Variants in TERB2 observed in about 807,000 individuals in gnomAD.
The protein encoded by TERB2 is telomere repeat binding bouquet formation protein 2, also known as telomere repeats-binding bouquet formation protein 2.
TERB2 carries 26 observed loss-of-function variants against 29.8 expected under a neutral mutation model. That is an observed-to-expected ratio of 0.87 (90% confidence interval 0.64 to 1.21). The LOEUF (loss-of-function observed/expected upper bound fraction) is 1.21. Among genes scored for constraint, TERB2 ranks in the 50% most tolerant of loss-of-function variants. The probability of loss-of-function intolerance (pLI) is 0.00; values close to 1 mark genes in which losing one functional copy is unlikely to be tolerated. For missense variants in TERB2, 240 were observed against 268.6 expected, an observed-to-expected ratio of 0.89 and a Z score of 0.74; for synonymous variants, 80 against 90.8, an observed-to-expected ratio of 0.88 and a Z score of 0.68.
At chr15:44,963,238 G>C (rs1446925763) in intron 4 of TERB2, among the ~76,000 whole-genome samples, 1 of 152,146 alleles carries the variant, frequency 6.6e-6, no homozygotes, top group Non-Finnish European at 1.5e-5. Context: ...GATCTGGCAG[G>C]CACCATTTAA....
At chr15:44,959,470 C>T (rs11635331) in intron 3 of TERB2, among the ~76,000 whole-genome samples, 2,496 of 152,146 alleles carry the variant, frequency 0.016, 20 homozygotes, top group Middle Eastern at 0.031. Flanking sequence ...TGGGTTCAAG[C>T]GATTCTCCTG....
chr15:44,971,011 TTC>T (rs1313315775), intron 5 of TERB2: 1 of 172,832 alleles, frequency 5.8e-6, no homozygotes, highest in African/African-American at 2.4e-5. Flanking sequence ...AACATAAGAT[TTC>T]TCTTTCTCTG....
chr15:44,971,826 C>CA (rs1891975475), intron 5 of TERB2, among the ~76,000 whole-genome samples: 2 of 149,534 alleles, frequency 1.3e-5, no homozygotes, highest in Non-Finnish European at 3.0e-5. Context: ...CCTTTTCATC[C>CA]CCCCCCCTCC....
At chr15:44,978,062 T>C (rs554198476) in intron 6 of TERB2, among the ~76,000 whole-genome samples, 2 of 152,344 alleles carry the variant, frequency 1.3e-5, no homozygotes, top group South Asian at 4.1e-4. Context: ...ATTCCAGTGT[T>C]AGCAGTGCAG....
At chr15:44,968,872 T>C (rs1408659071) in intron 5 of TERB2, among the ~76,000 whole-genome samples, 1 of 152,152 alleles carries the variant, frequency 6.6e-6, no homozygotes, top group African/African-American at 2.4e-5. Context: ...ATGTGGAAAT[T>C]ATGGTATAAA....
chr15:44,969,513 G>C (rs1350962369), intron 5 of TERB2, among the ~76,000 whole-genome samples: 1 of 151,856 alleles, frequency 6.6e-6, no homozygotes. Flanking sequence ...AGCAGGCCAG[G>C]CATGGTGGCT....
At chr15:44,972,270 C>A (rs965675317) in intron 5 of TERB2, among the ~76,000 whole-genome samples, 1 of 151,866 alleles carries the variant, frequency 6.6e-6, no homozygotes, top group Non-Finnish European at 1.5e-5. Flanking sequence ...GGATTACAGG[C>A]GTGAGCTACT....
At chr15:44,965,538 AT>A (rs1891874836) in intron 4 of TERB2, among the ~76,000 whole-genome samples, 1 of 144,096 alleles carries the variant, frequency 6.9e-6, no homozygotes, top group Non-Finnish European at 1.5e-5. Flanking sequence ...TATATTATAC[AT>A]TTATATATTA....
chr15:44,965,252 A>C (rs185761251), intron 4 of TERB2, among the ~76,000 whole-genome samples: 320 of 148,532 alleles, frequency 2.2e-3, no homozygotes, highest in Non-Finnish European at 3.9e-3. Context: ...GATAGGTACC[A>C]GTATCTAAGT....
chr15:44,957,914 G>A (rs1891743758), intron 2 of TERB2, among the ~76,000 whole-genome samples: 1 of 150,454 alleles, frequency 6.6e-6, no homozygotes, highest in Non-Finnish European at 1.5e-5. Context: ...AACCCGAACT[G>A]CCATTATTGT....
At chr15:44,974,703 T>C (rs1370894426) in intron 6 of TERB2, among the ~76,000 whole-genome samples, 2 of 152,184 alleles carry the variant, frequency 1.3e-5, no homozygotes, top group East Asian at 1.9e-4. Context: ...ATTTTAAAAA[T>C]AGAGATTTTT....
rs904910337 is a variant in TERB2 at position 44,973,975 on chromosome 15, A to G, written c.523+20A>G. ...TAACAGGTAGTTTAAAATAAAATTT[A>G]GAGTAAACTCAGGTAGGAAAGAAAC... is the stretch of plus-strand genomic sequence containing the variant. On this transcript the variant is annotated intron_variant, in intron 6 of 6. Coordinates refer to ENST00000340827, the MANE Select transcript of TERB2 (RefSeq NM_152448.3). 3.3e-6 allele frequency: 5 copies of G among 1,511,114 alleles called. No individual in the cohort carries two copies. Among genetic ancestry groups the G allele is most frequent in the Non-Finnish European group, 2.7e-6 (3 of 1,122,468 alleles). The allele number at this position is 1,511,114 out of a possible 1,614,324, so 93.6% of individuals were successfully genotyped here.
At chr15:44,965,110 C>T (rs1401007317) in intron 4 of TERB2, among the ~76,000 whole-genome samples, 1 of 134,886 alleles carries the variant, frequency 7.4e-6, no homozygotes, top group African/African-American at 2.8e-5. Context: ...TTGCAGTGAG[C>T]CGAGATTTTG....
At chr15:44,964,119 T>C (rs1267430119) in intron 4 of TERB2, among the ~76,000 whole-genome samples, 1 of 152,122 alleles carries the variant, frequency 6.6e-6, no homozygotes, top group African/African-American at 2.4e-5. Context: ...TATTGTACTA[T>C]TCTTTAACTT....
intron 4 of TERB2, among the ~76,000 whole-genome samples, chr15:44,965,336 G>A (rs1228131961): frequency 3.4e-5 from 5 of 147,646 alleles, no homozygotes; most frequent in South Asian, 4.2e-4. Flanking sequence ...ATATCTTTAC[G>A]TATATAGTGA....
intron 4 of TERB2, among the ~76,000 whole-genome samples, chr15:44,963,591 T>C (rs1460502833): frequency 6.6e-6 from 1 of 151,754 alleles, no homozygotes; most frequent in African/African-American, 2.4e-5. Flanking sequence ...TATTACATTT[T>C]ATTTTCTTAA....
chr15:44,971,509 A>G (rs1891966955), intron 5 of TERB2, among the ~76,000 whole-genome samples: 1 of 152,206 alleles, frequency 6.6e-6, no homozygotes, highest in Non-Finnish European at 1.5e-5. Flanking sequence ...TAATCCCAGC[A>G]CTTTGGGAGG....
At chr15:44,976,340 A>C (rs572786477) in intron 6 of TERB2, among the ~76,000 whole-genome samples, 1 of 152,256 alleles carries the variant, frequency 6.6e-6, no homozygotes, top group South Asian at 2.1e-4. Flanking sequence ...GGGACTGGAA[A>C]ATCCACTTCA....
intron 2 of TERB2, 65 bp downstream of exon 2, chr15:44,957,042 GC>G: frequency 6.7e-7 from 1 of 1,496,290 alleles, no homozygotes; most frequent in Non-Finnish European, 9.2e-7. Context: ...GATGGAAGTT[GC>G]AGTCCACTAA....
Sources: gnomAD v4.1 joint callset for allele counts (sites outside exome capture counted in the v4.1 genomes callset) on GRCh38, gnomAD v4.1.1 for gene constraint, MANE v1.5 for transcripts, NCBI Gene and HGNC (gene_info 2026-07-23, HGNC 2026-07-21) for gene names.